SLC37A3: variants seen among roughly 807,000 people sequenced by gnomAD.
The protein encoded by SLC37A3 is sugar phosphate exchanger 3.
A neutral mutation model predicts 67.1 loss-of-function variants in SLC37A3; 51 were observed. The observed-to-expected ratio is 0.76, with a 90% CI of 0.61 to 0.96. SLC37A3 has a LOEUF of 0.96. SLC37A3 is among the 40% of genes least tolerant of loss of function. The pLI, the probability that SLC37A3 is intolerant of heterozygous loss-of-function variation, is 0.00. For synonymous variants in SLC37A3, 214 were observed against 231.4 expected (o/e 0.92, Z 0.68); for missense variants, 508 against 603.0 (o/e 0.84, Z 1.65).
At chr7:140,395,086 A>G (rs1239162436) in intron 1 of SLC37A3, among the ~76,000 whole-genome samples, 1 of 152,274 alleles carries the variant, frequency 6.6e-6, no homozygotes, top group East Asian at 1.9e-4. Flanking sequence ...GCATTAAAAA[A>G]GAGCTATAAA....
At chr7:140,379,712 G>C (rs1307968337) in intron 3 of SLC37A3, among the ~76,000 whole-genome samples, 1 of 150,224 alleles carries the variant, frequency 6.7e-6, no homozygotes, top group African/African-American at 2.5e-5. Context: ...GGGCAACGTG[G>C]TGAAACCCCA....
intron 14 of SLC37A3, 126 bp from the exon 15 acceptor site, chr7:140,335,630 A>T: frequency 8.6e-7 from 1 of 1,165,674 alleles, no homozygotes; most frequent in Middle Eastern, 3.0e-4. Context: ...ATAATGTTTA[A>T]TCTTCAATGA....
intron 7 of SLC37A3, among the ~76,000 whole-genome samples, 159 bp downstream of exon 7, chr7:140,355,509 C>T (rs551818279): frequency 4.6e-5 from 7 of 152,288 alleles, no homozygotes; most frequent in African/African-American, 9.6e-5. Flanking sequence ...CCACCACACC[C>T]GGCCAGAAGT....
chr7:140,369,642 G>C lies in SLC37A3; in HGVS notation c.239C>G (p.Ala80Gly). The C allele has an allele frequency of 6.2e-7, 1 of 1,613,964 alleles. No homozygotes were observed. Among genetic ancestry groups the C allele is most frequent in the African/African-American group, 1.3e-5 (1 of 75,022 alleles). Residue 80 changes from alanine to glycine, a missense_variant, in exon 4 of 15, where the codon GCG (alanine) becomes GGG (glycine). Transcript: ENST00000326232. Reference sequence around the variant, plus strand: ...ATCCAGTGTGCCGAGGAAAAGAGTCGCTTTCTCTGCACTGGGGAACAAATG... The same window carrying C: ...ATCCAGTGTGCCGAGGAAAAGAGTCCCTTTCTCTGCACTGGGGAACAAATG... ...SNHLFPSAEK[A>G]TLFLGTLDTI...
At chr7:140,369,933 A>G (rs1237441618) in intron 3 of SLC37A3, among the ~76,000 whole-genome samples, 1 of 152,174 alleles carries the variant, frequency 6.6e-6, no homozygotes, top group Non-Finnish European at 1.5e-5. Context: ...CAACATGGAG[A>G]AACCCTGTCT....
At chr7:140,350,106 A>G (rs904836539) in intron 9 of SLC37A3, among the ~76,000 whole-genome samples, 2 of 152,220 alleles carry the variant, frequency 1.3e-5, no homozygotes, top group African/African-American at 2.4e-5. Context: ...GAGGGATCAC[A>G]TTCATAAAGC....
chr7:140,343,761 G>A, intron 12 of SLC37A3, 198 bp from the exon 13 acceptor site: 9 of 562,486 alleles, frequency 1.6e-5, no homozygotes, highest in Non-Finnish European at 2.8e-5. Context: ...CGAATTATGT[G>A]ACACTCTAGT....
At position 140,364,463 on chromosome 7, in the gene SLC37A3, T is replaced by A. The variant is rs753788559; in HGVS notation, c.320A>T (p.Asp107Val). 1.4e-5 allele frequency: 23 copies of A among 1,613,596 alleles called. No individual in the cohort carries two copies. In the Admixed American group the frequency reaches 2.5e-4, roughly 18 times the overall value. Residue 107 changes from aspartate to valine, a missense_variant, in exon 5 of 15, where the codon GAT (aspartate) becomes GTT (valine). Physicochemically the swap from Asp to Val is radical, Grantham distance 152. Transcript: ENST00000326232. Reference protein sequence around the residue: ...VGLFISGIVGDRLNLRWVLSF... With the variant: ...VGLFISGIVGVRLNLRWVLSF... Reference sequence around the variant, plus strand: ...CAGAACCCATCGCAAATTCAACCGATCCCCAACGATGCCACTGATGAATAG... The same window carrying A: ...CAGAACCCATCGCAAATTCAACCGAACCCCAACGATGCCACTGATGAATAG...
intron 1 of SLC37A3, among the ~76,000 whole-genome samples, chr7:140,395,152 T>C (rs571838811): frequency 5.5e-4 from 83 of 151,350 alleles, no homozygotes; most frequent in Admixed American, 1.6e-3. Context: ...CCAAGGCAGG[T>C]GGATCACGAG....
intron 3 of SLC37A3, among the ~76,000 whole-genome samples, chr7:140,371,922 G>A (rs1361619644): frequency 6.6e-6 from 1 of 151,972 alleles, no homozygotes. Flanking sequence ...CACGATCTTG[G>A]CTCACTGCAA....
chr7:140,398,053 C>T (rs1490335422), intron 1 of SLC37A3, among the ~76,000 whole-genome samples: 1 of 152,238 alleles, frequency 6.6e-6, no homozygotes, highest in African/African-American at 2.4e-5. Context: ...TCCCCTCTCC[C>T]CTGGTCCGAA....
intron 1 of SLC37A3, among the ~76,000 whole-genome samples, chr7:140,390,170 G>A (rs746643364): frequency 1.3e-5 from 2 of 152,076 alleles, no homozygotes; most frequent in South Asian, 2.1e-4. Context: ...GTGGGCAGGG[G>A]AGTGGTCAGC....
intron 13 of SLC37A3, among the ~76,000 whole-genome samples, chr7:140,338,218 G>A (rs1387729006): frequency 6.6e-6 from 1 of 151,886 alleles, no homozygotes; most frequent in Non-Finnish European, 1.5e-5. Flanking sequence ...CAATCCAGTG[G>A]TATCAGTTAC....
chr7:140,377,624 C>T (rs1798085199), intron 3 of SLC37A3, among the ~76,000 whole-genome samples: 1 of 151,994 alleles, frequency 6.6e-6, no homozygotes, highest in African/African-American at 2.4e-5. Context: ...TGTAAAACAC[C>T]CAGAGCTATG....
chr7:140,337,361 GAA>G lies in SLC37A3; in HGVS notation c.1327-14_1327-13del. The G allele has an allele frequency of 6.5e-7, 1 of 1,545,796 alleles. No individual in the cohort carries two copies. The highest frequency in any genetic ancestry group is 1.4e-5 in the African/African-American group (1 of 70,804). On this transcript the variant is annotated splice_polypyrimidine_tract_variant and intron_variant, in intron 13 of 14. Coordinates refer to ENST00000326232, the MANE Select transcript of SLC37A3 (RefSeq NM_207113.3). ...AGAGACACTAAATACTGAAAGGGAG[GAA>G]AAAAAAATTACAATATAATTCTTTA...
chr7:140,396,971 G>A (rs949591975), intron 1 of SLC37A3, among the ~76,000 whole-genome samples: 14 of 149,072 alleles, frequency 9.4e-5, no homozygotes, highest in Admixed American at 6.1e-4. Flanking sequence ...GGAGGCCAAG[G>A]CAGGCGGACC....
intron 4 of SLC37A3, among the ~76,000 whole-genome samples, chr7:140,368,455 T>C (rs1013084151): frequency 6.6e-6 from 1 of 152,080 alleles, no homozygotes; most frequent in Non-Finnish European, 1.5e-5. Flanking sequence ...CAATCCCAGC[T>C]ACTCAGGAGG....
In SLC37A3 at chr7:140,352,130, G is replaced by A. The variant is rs376743413; in HGVS notation, c.635C>T (p.Thr212Met). 24 of 1,610,324 alleles carry A rather than the reference G, an allele frequency of 1.5e-5. No homozygotes were observed. The highest frequency in any genetic ancestry group is 3.3e-5 in the South Asian group (3 of 90,730). The change falls in exon 8 of 15, where the codon ACG (threonine) becomes ATG (methionine). Residue 212 changes from threonine (T) to methionine (M), a missense_variant. By Grantham distance (81) the Thr-to-Met change is moderately conservative. Coordinates refer to ENST00000326232, the MANE Select transcript of SLC37A3 (RefSeq NM_207113.3). ...QYGYEYAFLV[T>M]ASVQFAGGIV... ...CCCACCAGCAAACTGCACAGACGCCGTCACCAGAAAGGCATACTGGAGGAG... is the reference window on the plus strand; with the variant it reads ...CCCACCAGCAAACTGCACAGACGCCATCACCAGAAAGGCATACTGGAGGAG...
intron 13 of SLC37A3, among the ~76,000 whole-genome samples, chr7:140,338,379 G>C (rs1426191702): frequency 6.6e-6 from 1 of 152,194 alleles, no homozygotes; most frequent in Admixed American, 6.5e-5. Context: ...GCCTATGCTA[G>C]ATATTTCGTG....
Sources: gnomAD v4.1 joint callset for allele counts (sites outside exome capture counted in the v4.1 genomes callset) on GRCh38, gnomAD v4.1.1 for gene constraint, MANE v1.5 for transcripts, NCBI Gene and HGNC (gene_info 2026-07-23, HGNC 2026-07-21) for gene names.